PRG4: variants seen among roughly 807,000 people sequenced by gnomAD.
PRG4 encodes the protein proteoglycan 4.
A neutral mutation model predicts 91.2 loss-of-function variants in PRG4; 61 were observed. That is an observed-to-expected ratio of 0.67 (90% CI 0.54 to 0.83). PRG4 has a LOEUF of 0.83. Ranked by LOEUF, PRG4 falls within the 40% of genes least tolerant of loss-of-function variation. The probability of loss-of-function intolerance (pLI) is 0.00; values close to 1 mark genes in which losing one functional copy is unlikely to be tolerated. For missense variants in PRG4, 1,564 were observed against 1,714.2 expected (o/e 0.91, Z 1.55); for synonymous variants, 576 against 614.2 (o/e 0.94, Z 0.92).
Position 186,304,966 on chromosome 1 carries a change from T to C in PRG4, c.598+44T>C, listed in dbSNP as rs1183774604. ...ATCAAAGACTGTATCAATGCCATAT[T>C]AACAATGATTATATTTAAAAGTAAT... On this transcript the variant is annotated intron_variant, in intron 6 of 12. Coordinates refer to ENST00000445192, the MANE Select transcript of PRG4 (RefSeq NM_005807.6). 4.4e-6 allele frequency: 7 copies of C among 1,583,502 alleles called. No homozygotes were observed. In the East Asian group the frequency reaches 6.8e-5, roughly 15 times the overall value.
chr1:186,312,184 T>C lies in PRG4; in HGVS notation c.3803T>C (p.Ile1268Thr). The change falls in exon 11 of 13, where the codon ATT (isoleucine) becomes ACT (threonine). Residue 1268 changes from isoleucine to threonine, a missense_variant. Around this residue, in one of 3 missense-constraint regions of PRG4, gnomAD observed 1,079 missense variants for 1,162.2 expected, o/e 0.93. Coordinates refer to ENST00000445192, the MANE Select transcript of PRG4 (RefSeq NM_005807.6). The stretch of plus-strand genomic sequence containing the variant: ...TTCTAATACATAACAGGTGGCAGCA[T>C]TCAGCAGTATATTTATAAACAGGAA... Reference protein sequence around the residue: ...SVYFFKRGGSIQQYIYKQEPV... With the variant: ...SVYFFKRGGSTQQYIYKQEPV... 1 of 1,613,802 alleles carries C rather than the reference T, an allele frequency of 6.2e-7. No homozygotes were observed. Among genetic ancestry groups the C allele is most frequent in the Non-Finnish European group, 8.5e-7 (1 of 1,179,726 alleles).
At chr1:186,300,333 G>GT in intron 3 of PRG4, 120 bp downstream of exon 3, 1 of 1,314,878 alleles carries the variant, frequency 7.6e-7, no homozygotes, top group Admixed American at 1.7e-5. Flanking sequence ...TTGCAGTGCT[G>GT]TTTTCCCACT....
In PRG4 at chr1:186,301,651, G is replaced by A. The variant is rs767559777; in HGVS notation, c.259G>A (p.Asp87Asn). ...SFERGRECDC[D>N]AQCKKYDKCC... ...CGAGAGAGGGAGGGAGTGTGACTGC[G>A]ACGCCCAATGTAAGAAGTATGACAA... Residue 87 changes from aspartate (D) to asparagine (N), a missense_variant, in exon 4 of 13, where the codon GAC becomes AAC. Asp to Asn is a conservative substitution (Grantham distance 23). Coordinates refer to ENST00000445192, the MANE Select transcript of PRG4 (RefSeq NM_005807.6). 34 of 1,613,706 alleles carry A rather than the reference G, an allele frequency of 2.1e-5. No individual in the cohort carries two copies. The highest frequency in any genetic ancestry group is 2.6e-5 in the Non-Finnish European group (31 of 1,179,800).
At chr1:186,299,620 G>A (rs947487249) in intron 2 of PRG4, among the ~76,000 whole-genome samples, 10 of 152,148 alleles carry the variant, frequency 6.6e-5, no homozygotes, top group Admixed American at 2.6e-4. Context: ...TTAACTAGTC[G>A]TGTGATAATG....
At chr1:186,301,121 A>AT (rs1571552571) in intron 3 of PRG4, among the ~76,000 whole-genome samples, 1 of 152,254 alleles carries the variant, frequency 6.6e-6, no homozygotes, top group East Asian at 1.9e-4. Context: ...ATTACAAATG[A>AT]TTTTTAAGCC....
At chr1:186,311,365 T>C in intron 9 of PRG4, 75 bp from the exon 10 acceptor site, 5 of 1,500,492 alleles carry the variant, frequency 3.3e-6, no homozygotes, top group African/African-American at 1.4e-5. Context: ...GTTCTCTCTA[T>C]ACTTAAATCT....
chr1:186,304,123 C>T lies in PRG4; in HGVS notation c.335C>T (p.Ser112Leu). The stretch of plus-strand genomic sequence containing the variant: ...TTGGCCTCAGTGCATAATCCCACAT[C>T]ACCACCATCTTCAAAGAAAGCACCT... ...SFCAEVHNPT[S>L]PPSSKKAPPP... Residue 112 changes from serine (S) to leucine (L), a missense_variant, in exon 5 of 13, where the codon TCA (serine) becomes TTA (leucine). Physicochemically the swap from Ser to Leu is moderately radical, Grantham distance 145 (BLOSUM62 -2). Transcript: ENST00000445192. 1.2e-6 allele frequency: 2 copies of T among 1,614,118 alleles called. No homozygotes were observed. Among genetic ancestry groups the T allele is most frequent in the South Asian group, 2.2e-5 (2 of 91,084 alleles).
At chr1:186,300,026 C>T (rs1443821281) in intron 2 of PRG4, 65 bp from the exon 3 acceptor site, 16 of 1,583,074 alleles carry the variant, frequency 1.0e-5, no homozygotes, top group Admixed American at 1.0e-4. Flanking sequence ...TTGTCCCCCT[C>T]GTTAGATTGC....
rs778483140 is a variant in PRG4 at position 186,304,192 on chromosome 1, G to A, written c.404G>A (p.Arg135His). The A allele has an allele frequency of 4.2e-5, 68 of 1,613,478 alleles. No individual in the cohort carries two copies. The highest frequency in any genetic ancestry group is 2.7e-4 in the Admixed American group (16 of 59,986). The change falls in exon 5 of 13, where the codon CGT becomes CAT. Residue 135 changes from arginine to histidine, a missense_variant. Physicochemically the swap from Arg to His is conservative, Grantham distance 29. This residue lies in a region of PRG4 where 437 missense variants were observed against 459.0 expected (regional missense o/e 0.95). Coordinates refer to ENST00000445192, the MANE Select transcript of PRG4 (RefSeq NM_005807.6). ...CAAACCATCAAATCAACAACCAAACGTTCACCCAAACCACCAAACAAGAAG... is the reference window on the plus strand; with the variant it reads ...CAAACCATCAAATCAACAACCAAACATTCACCCAAACCACCAAACAAGAAG... ...ASQTIKSTTK[R>H]SPKPPNKKKT... is the part of the protein sequence containing the mutation.
chr1:186,299,995 A>T, intron 2 of PRG4, 96 bp from the exon 3 acceptor site: 1 of 1,446,054 alleles, frequency 6.9e-7, no homozygotes. Flanking sequence ...GATCAATAAA[A>T]TTCTCTCTCA....
At chr1:186,303,706 A>G (rs1401710665) in intron 4 of PRG4, among the ~76,000 whole-genome samples, 1 of 152,206 alleles carries the variant, frequency 6.6e-6, no homozygotes, top group East Asian at 1.9e-4. Flanking sequence ...GAATATTAAA[A>G]CAGAAAAAAA....
rs1474019076 is a variant in PRG4, at chr1:186,308,564, A to G, written c.2845A>G (p.Thr949Ala). The G allele has an allele frequency of 2.5e-6, 4 of 1,613,656 alleles. No individual in the cohort carries two copies. Among genetic ancestry groups the G allele is most frequent in the East Asian group, 2.2e-5 (1 of 44,878 alleles). Residue 949 changes from threonine (T) to alanine (A), a missense_variant, in exon 7 of 13, where the codon ACC becomes GCC. Thr to Ala is a moderately conservative substitution (Grantham distance 58). Around this residue, in one of 3 missense-constraint regions of PRG4, gnomAD observed 1,079 missense variants for 1,162.2 expected, o/e 0.93. Transcript: ENST00000445192. ...GACAGCAACTACAACAGAAAAAACT[A>G]CCGAATCCAAAATAACAGCTACAAC... ...KETATTTEKT[T>A]ESKITATTTQ...
rs747620778 is a variant in PRG4, at chr1:186,312,288, C to T, written c.3907C>T (p.Arg1303Cys). 10 of 1,613,734 alleles carry T rather than the reference C, an allele frequency of 6.2e-6. No homozygotes were observed. The highest frequency in any genetic ancestry group is 1.3e-5 in the African/African-American group (1 of 74,908). ...AGAAACGACACAGGTTAGGAGACGT[C>T]GCTTTGAACGTGCTATAGGACCTTC... ...YGETTQVRRR[R>C]FERAIGPSQT... The change falls in exon 11 of 13, where the codon CGC becomes TGC. Residue 1303 changes from arginine to cysteine, a missense_variant. This residue lies in a region of PRG4 where 1,079 missense variants were observed against 1,162.2 expected (regional missense o/e 0.93). Coordinates refer to ENST00000445192, the MANE Select transcript of PRG4 (RefSeq NM_005807.6).
rs1656950200 is a variant in PRG4, at chr1:186,308,849, A to G, written c.3130A>G (p.Arg1044Gly). The G allele has an allele frequency of 1.2e-6, 2 of 1,613,948 alleles. No homozygotes were observed. The highest frequency in any genetic ancestry group is 1.7e-6 in the Non-Finnish European group (2 of 1,179,990). Residue 1044 changes from arginine (R) to glycine (G), a missense_variant, in exon 7 of 13, where the codon AGA becomes GGA. By Grantham distance (125) the Arg-to-Gly change is moderately radical (BLOSUM62 -2). This residue lies in a region of PRG4 where 1,079 missense variants were observed against 1,162.2 expected (regional missense o/e 0.93). Transcript: ENST00000445192. ...TKKPKTMPRV[R>G]KPKTTPTPRK... is the part of the protein sequence containing the mutation. ...AAAGCCAAAAACAATGCCTAGAGTG[A>G]GAAAACCAAAGACGACACCAACTCC...
chr1:186,299,975 A>G, intron 2 of PRG4, 116 bp from the exon 3 acceptor site: 1 of 1,275,776 alleles, frequency 7.8e-7, no homozygotes, highest in South Asian at 1.2e-5. Flanking sequence ...CATCATTCCA[A>G]CACCTTCTCG....
rs376266148 is a variant in PRG4 at position 186,306,734 on chromosome 1, A to G, written c.1015A>G (p.Thr339Ala). 2.5e-6 allele frequency: 4 copies of G among 1,613,470 alleles called. No homozygotes were observed. Among genetic ancestry groups the G allele is most frequent in the South Asian group, 2.2e-5 (2 of 91,082 alleles). The stretch of plus-strand genomic sequence containing the variant: ...ACCTACACCCAAAGCTGAAACTACA[A>G]CCAAAGGCCCTGCTCTCACCACTCC... ...AKPTPKAETTTKGPALTTPKE... is the reference protein window; with the variant it reads ...AKPTPKAETTAKGPALTTPKE... Residue 339 changes from threonine (T) to alanine (A), a missense_variant, in exon 7 of 13, where the codon ACC becomes GCC. By Grantham distance (58) the Thr-to-Ala change is moderately conservative. Around this residue, in one of 3 missense-constraint regions of PRG4, gnomAD observed 437 missense variants for 459.0 expected, o/e 0.95. Transcript: ENST00000445192.
intron 3 of PRG4, 71 bp downstream of exon 3, chr1:186,300,284 C>CGAGG: frequency 1.3e-6 from 2 of 1,590,804 alleles, no homozygotes; most frequent in Non-Finnish European, 1.7e-6. Context: ...CTTGCACCCT[C>CGAGG]GTGCAGTGCT....
rs181334842 is a variant in PRG4, at chr1:186,305,664, G to A, written c.599-654G>A. 3.9e-5 allele frequency among the ~76,000 whole-genome samples: 6 copies of A among 152,264 alleles called. No individual in the cohort carries two copies. In the East Asian group the frequency reaches 9.6e-4, roughly 24 times the overall value. ...TAATCTTTTAGTCACCCAGAAAATC[G>A]TGCAGGAAGCCACCCTTGGGCTTTG... On this transcript the variant is annotated intron_variant, in intron 6 of 12. Transcript: ENST00000445192.
Position 186,311,039 on chromosome 1 carries a change from T to C in PRG4, c.3505T>C (p.Tyr1169His), listed in dbSNP as rs1657179660. 6.2e-7 allele frequency: 1 copy of C among 1,613,996 alleles called. No individual in the cohort carries two copies. The highest frequency in any genetic ancestry group is 8.5e-7 in the Non-Finnish European group (1 of 1,179,988). Residue 1169 changes from tyrosine (Y) to histidine (H), a missense_variant, in exon 9 of 13, where the codon TAT becomes CAT. Coordinates refer to ENST00000445192, the MANE Select transcript of PRG4 (RefSeq NM_005807.6). The stretch of plus-strand genomic sequence containing the variant: ...TGTCTTTCCTTAAATTTTAGGTCAT[T>C]ATTTCTGGATGCTAAGTCCATTCAG... The part of the protein sequence containing the change: ...NGTLVAFRGH[Y>H]FWMLSPFSPP...
Sources: allele counts gnomAD v4.1 joint callset (sites outside exome capture counted in the v4.1 genomes callset), GRCh38; gene constraint gnomAD v4.1.1; regional missense constraint gnomAD v4.1.1; transcripts MANE v1.5; gene names NCBI Gene and HGNC (gene_info 2026-07-23, HGNC 2026-07-21).